The following FZD4 variants were observed in gnomAD, a reference collection of about 807,000 sequenced individuals.
FZD4 encodes the protein frizzled-4.
Under a neutral mutation model 37.3 loss-of-function variants are expected in FZD4, and 16 were observed. The observed-to-expected ratio is 0.43, with a 90% CI of 0.29 to 0.65. FZD4 has a LOEUF of 0.65. FZD4 is among the 30% of genes least tolerant of loss of function. The probability of loss-of-function intolerance (pLI) is 0.16; values close to 1 mark genes in which losing one functional copy is unlikely to be tolerated. For missense variants in FZD4, 599 were observed against 674.3 expected, an observed-to-expected ratio of 0.89 and a Z score of 1.24; for synonymous variants, 246 against 254.8, an observed-to-expected ratio of 0.97 and a Z score of 0.33.
chr11:86,952,425 T>C lies in FZD4; in HGVS notation c.331A>G (p.Asn111Asp), dbSNP rs1049798289. ...VYVPMCTEKINIPIGPCGGMC... is the reference protein window; with the variant it reads ...VYVPMCTEKIDIPIGPCGGMC... ...CCGCCGCATGGGCCAATGGGGATGT[T>C]GATCTTCTCTGTGCACATTGGCACA... Residue 111 changes from asparagine to aspartate, a missense_variant, in exon 2 of 2, where the codon AAC becomes GAC. By Grantham distance (23) the Asn-to-Asp change is conservative. Transcript: ENST00000531380. The C allele has an allele frequency of 2.5e-6, 4 of 1,613,930 alleles. No individual in the cohort carries two copies. The highest frequency in any genetic ancestry group is 1.3e-5 in the African/African-American group (1 of 74,928).
At chr11:86,954,329 G>A (rs2135044518) in intron 1 of FZD4, 1 of 985,292 alleles carries the variant, frequency 1.0e-6, no homozygotes, top group Non-Finnish European at 1.2e-6. Flanking sequence ...GCTGCGGGAC[G>A]TCGTGAGAAG....
rs566786953 is a variant in FZD4, at chr11:86,951,175, C to T, written c.1581G>A (p.Val527=). The T allele has an allele frequency of 1.2e-6, 2 of 1,614,084 alleles. No individual in the cohort carries two copies. The highest frequency in any genetic ancestry group is 4.5e-5 in the East Asian group (2 of 44,886). The change falls in exon 2 of 2, where the codon GTG becomes GTA. Residue 527 remains valine, a synonymous_variant. Transcript: ENST00000531380. ...CAGTCTCACTGCCTTTTCCAGGCTTCACCCAACCATTTCCTCTCTTCTCTC... is the reference window on the plus strand; with the variant it reads ...CAGTCTCACTGCCTTTTCCAGGCTTTACCCAACCATTTCCTCTCTTCTCTC... The part of the protein sequence containing the change: ...VKREKRGNGW[V]KPGKGSETVV
Position 86,955,140 on chromosome 11 carries a change from C to A in FZD4, c.-55G>T. The A allele has an allele frequency of 7.5e-7, 1 of 1,332,092 alleles. No individual in the cohort carries two copies. Among genetic ancestry groups the A allele is most frequent in the South Asian group, 1.7e-5 (1 of 59,300 alleles). The allele number at this position is 1,332,092 out of a possible 1,614,324, so 82.5% of individuals were successfully genotyped here. A position where few individuals can be genotyped will look rare whatever the true frequency, so the allele number is the denominator to read the frequency against. On this transcript the variant is annotated 5_prime_UTR_variant, in exon 1 of 2. Coordinates refer to ENST00000531380, the MANE Select transcript of FZD4 (RefSeq NM_012193.4). ...GCTGGGGCTGCTCTGGCAGACACCC[C>A]CAGTTTGCACGGGGGCGCCGGCTGC...
rs1949264341 is a variant in FZD4 at position 86,948,647 on chromosome 11, A to C, written c.*2495T>G. 1 of 152,216 alleles carries C rather than the reference A, an allele frequency of 6.6e-6. No homozygotes were observed. Among genetic ancestry groups the C allele is most frequent in the African/African-American group, 2.4e-5 (1 of 41,454 alleles). The allele number at this position is 152,216 out of a possible 1,614,324, so 9.4% of individuals were successfully genotyped here. On this transcript the variant is annotated 3_prime_UTR_variant, in exon 2 of 2. Coordinates refer to ENST00000531380, the MANE Select transcript of FZD4 (RefSeq NM_012193.4). ...GCATGTCAAAACCCAAAGCATTGTCAAAACACTAGCTCCAGAACTCAAAAC... is the reference window on the plus strand; with the variant it reads ...GCATGTCAAAACCCAAAGCATTGTCCAAACACTAGCTCCAGAACTCAAAAC...
Position 86,955,187 on chromosome 11 carries a change from G to A in FZD4, c.-102C>T. 1.1e-6 allele frequency: 1 copy of A among 929,760 alleles called. No homozygotes were observed. The highest frequency in any genetic ancestry group is 3.2e-5 in the East Asian group (1 of 31,726). 57.6% of individuals were successfully genotyped at this position (929,760 alleles called of 1,614,324 possible). A position where few individuals can be genotyped will look rare whatever the true frequency, so the allele number is the denominator to read the frequency against. On this transcript the variant is annotated 5_prime_UTR_variant, in exon 1 of 2. Coordinates refer to ENST00000531380, the MANE Select transcript of FZD4 (RefSeq NM_012193.4). ...CTGCCCGCGCTGCTCCCAGCTCCCG[G>A]GACGGGAGTGTGATGCGGCGACGAG...
rs1194785975 is a variant in FZD4 at position 86,948,515 on chromosome 11, G to GA, written c.*2626dup. 6.6e-6 allele frequency: 1 copy of GA among 152,186 alleles called. No individual in the cohort carries two copies. Among genetic ancestry groups the GA allele is most frequent in the Non-Finnish European group, 1.5e-5 (1 of 68,040 alleles). The allele number at this position is 152,186 out of a possible 1,614,324, so 9.4% of individuals were successfully genotyped here. On this transcript the variant is annotated 3_prime_UTR_variant, in exon 2 of 2. Coordinates refer to ENST00000531380, the MANE Select transcript of FZD4 (RefSeq NM_012193.4). Reference sequence around the variant, plus strand: ...AAACACTCTCCATTGTCTGGAATGTGAAAGGAGAGGCCTATAACCCTGTAG... The same window carrying GA: ...AAACACTCTCCATTGTCTGGAATGTGAAAAGGAGAGGCCTATAACCCTGTAG...
Position 86,945,961 on chromosome 11 carries a change from G to A in FZD4, c.*5181C>T, listed in dbSNP as rs915748571. On this transcript the variant is annotated 3_prime_UTR_variant, in exon 2 of 2. Coordinates refer to ENST00000531380, the MANE Select transcript of FZD4 (RefSeq NM_012193.4). ...GCATGAGGACCCAAGAAAGGCCACA[G>A]AGCATCCAGCCCGACTGCTGCACAG... 4 of 152,762 alleles carry A rather than the reference G, an allele frequency of 2.6e-5. No individual in the cohort carries two copies. The highest frequency in any genetic ancestry group is 5.9e-5 in the Non-Finnish European group (4 of 68,056). The allele number at this position is 152,762 out of a possible 1,614,324, so 9.5% of individuals were successfully genotyped here. A position where few individuals can be genotyped will look rare whatever the true frequency, so the allele number is the denominator to read the frequency against.
At chr11:86,953,550 TAGTA>T (rs752628531) in intron 1 of FZD4, among the ~76,000 whole-genome samples, 5 of 152,124 alleles carry the variant, frequency 3.3e-5, no homozygotes, top group African/African-American at 4.8e-5. Context: ...AACATGCACC[TAGTA>T]AGTAAGCTGT....
At position 86,954,822 on chromosome 11, in the gene FZD4, G is replaced by C; in HGVS notation, c.264C>G (p.Tyr88Ter). The C allele has an allele frequency of 6.2e-7, 1 of 1,611,424 alleles. No individual in the cohort carries two copies. Among genetic ancestry groups the C allele is most frequent in the Non-Finnish European group, 8.5e-7 (1 of 1,179,080 alleles). Residue 88 changes from tyrosine to a stop codon, truncating the protein, a stop_gained, in exon 1 of 2, where the codon TAC becomes TAG. Coordinates refer to ENST00000531380, the MANE Select transcript of FZD4 (RefSeq NM_012193.4). LOFTEE classifies it high-confidence loss of function. The part of the protein sequence containing the change: ...QLTTFTPLIQ[Y>*]GCSSQLQFFL... The stretch of plus-strand genomic sequence containing the variant: ...CCACCTGCAGCTGGCTGGAGCAGCC[G>C]TACTGGATGAGCGGTGTGAAAGTTG...
At position 86,951,742 on chromosome 11, in the gene FZD4, T is replaced by C. The variant is rs566294132; in HGVS notation, c.1014A>G (p.Glu338=). Residue 338 remains glutamate (E), a synonymous_variant, in exon 2 of 2, where the codon GAA becomes GAG. Coordinates refer to ENST00000531380, the MANE Select transcript of FZD4 (RefSeq NM_012193.4). The part of the protein sequence containing the change: ...FLAAGLKWGH[E]AIEMHSSYFH... ...AATAAGAGCTGTGCATTTCAATGGCTTCATGACCCCATTTGAGTCCTGCTG... is the reference window on the plus strand; with the variant it reads ...AATAAGAGCTGTGCATTTCAATGGCCTCATGACCCCATTTGAGTCCTGCTG... The C allele has an allele frequency of 6.2e-7, 1 of 1,614,196 alleles. No homozygotes were observed. The highest frequency in any genetic ancestry group is 1.3e-5 in the African/African-American group (1 of 75,046).
At chr11:86,954,470 T>TC in intron 1 of FZD4, 1 of 985,132 alleles carries the variant, frequency 1.0e-6, no homozygotes, top group Non-Finnish European at 1.2e-6. Flanking sequence ...GCTGGCTCCC[T>TC]CCCACTCGCC....
At position 86,945,858 on chromosome 11, in the gene FZD4, GAA is replaced by G. The variant is rs371128840; in HGVS notation, c.*5282_*5283del. The G allele has an allele frequency of 3.4e-3, 518 of 152,674 alleles. 2 individuals are homozygous for G. Among genetic ancestry groups the G allele is most frequent in the African/African-American group, 0.012 (497 of 41,528 alleles). The allele number at this position is 152,674 out of a possible 1,614,324, so 9.5% of individuals were successfully genotyped here. On this transcript the variant is annotated 3_prime_UTR_variant, in exon 2 of 2. Transcript: ENST00000531380. ...AATTCATTCAGGGCATGTGTAGCAG[GAA>G]GTTTGCCTGGTACCTCTTTGTCAAA...
Position 86,955,022 on chromosome 11 carries a change from C to A in FZD4, c.64G>T (p.Gly22Trp). The A allele has an allele frequency of 6.2e-7, 1 of 1,612,128 alleles. No homozygotes were observed. The highest frequency in any genetic ancestry group is 8.5e-7 in the Non-Finnish European group (1 of 1,179,394). The change falls in exon 1 of 2, where the codon GGG becomes TGG. Residue 22 changes from glycine to tryptophan, a missense_variant. By Grantham distance (184) the Gly-to-Trp change is radical (BLOSUM62 -2). Coordinates refer to ENST00000531380, the MANE Select transcript of FZD4 (RefSeq NM_012193.4). The part of the protein sequence containing the change: ...GAPGGVGLSL[G>W]LLLQLLLLLG... ...AGCAGCAGCAACTGCAGGAGCAACC[C>A]CAGACTGAGACCGACGCCCCCGGGC...
rs34325935 is a variant in FZD4, at chr11:86,947,201, T to TCAAACAAA, written c.*3933_*3940dup. The TCAAACAAA allele has an allele frequency of 2.6e-4, 43 of 165,520 alleles. No homozygotes were observed. The highest frequency in any genetic ancestry group is 6.0e-4 in the Admixed American group (10 of 16,798). The allele number at this position is 165,520 out of a possible 1,614,324, so 10.3% of individuals were successfully genotyped here. On this transcript the variant is annotated 3_prime_UTR_variant, in exon 2 of 2. Coordinates refer to ENST00000531380, the MANE Select transcript of FZD4 (RefSeq NM_012193.4). Reference sequence around the variant, plus strand: ...CTGGGTGACAGAGCAAGACCCTGTCTCAAACAAACAAACAAACAAACAAAC... The same window carrying TCAAACAAA: ...CTGGGTGACAGAGCAAGACCCTGTCTCAAACAAACAAACAAACAAACAAACAAACAAAC...
At position 86,955,394 on chromosome 11, in the gene FZD4, T is replaced by C. The variant is rs570920994; in HGVS notation, c.-309A>G. ...GCCAGCAGCCAGCGCTGCGCAGCTC[T>C]CACCGCCGGAGCCCTGCGCGGCGCT... On this transcript the variant is annotated 5_prime_UTR_variant, in exon 1 of 2. Coordinates refer to ENST00000531380, the MANE Select transcript of FZD4 (RefSeq NM_012193.4). 433 of 253,538 alleles carry C rather than the reference T, an allele frequency of 1.7e-3. 1 individual carries two copies. Among genetic ancestry groups the C allele is most frequent in the African/African-American group, 9.1e-3 (405 of 44,672 alleles). The allele number at this position is 253,538 out of a possible 1,614,324, so 15.7% of individuals were successfully genotyped here.
intron 1 of FZD4, among the ~76,000 whole-genome samples, chr11:86,953,115 T>C (rs149140011): frequency 2.3e-4 from 35 of 152,270 alleles, no homozygotes; most frequent in African/African-American, 7.5e-4. Context: ...AAAATGTAAA[T>C]GTTAAGTCGC....
At position 86,954,923 on chromosome 11, in the gene FZD4, T is replaced by A; in HGVS notation, c.163A>T (p.Asn55Tyr). The change falls in exon 1 of 2, where the codon AAC becomes TAC. Residue 55 changes from asparagine to tyrosine, a missense_variant. Around this residue, in one of 3 missense-constraint regions of FZD4, gnomAD observed 357 missense variants for 396.1 expected, o/e 0.90. Transcript: ENST00000531380. ...CDPIRISMCQNLGYNVTKMPN... is the reference protein window; with the variant it reads ...CDPIRISMCQYLGYNVTKMPN... ...ATCTTGGTCACGTTGTAGCCGAGGT[T>A]CTGGCACATGGAGATGCGGATGGGG... The A allele has an allele frequency of 6.2e-7, 1 of 1,613,524 alleles. No homozygotes were observed. The highest frequency in any genetic ancestry group is 8.5e-7 in the Non-Finnish European group (1 of 1,179,842).
At position 86,955,331 on chromosome 11, in the gene FZD4, G is replaced by A. The variant is rs1223326059; in HGVS notation, c.-246C>T. On this transcript the variant is annotated 5_prime_UTR_variant, in exon 1 of 2. Coordinates refer to ENST00000531380, the MANE Select transcript of FZD4 (RefSeq NM_012193.4). Reference sequence around the variant, plus strand: ...GCTGCAGGCGGCGAGCCCACAAGCCGGCGCCGGCCGCGTCCGTTCGGCGTC... The same window carrying A: ...GCTGCAGGCGGCGAGCCCACAAGCCAGCGCCGGCCGCGTCCGTTCGGCGTC... The A allele has an allele frequency of 7.7e-6, 3 of 387,874 alleles. No homozygotes were observed. The highest frequency in any genetic ancestry group is 1.4e-5 in the Non-Finnish European group (3 of 220,202). The allele number at this position is 387,874 out of a possible 1,614,324, so 24.0% of individuals were successfully genotyped here. A position where few individuals can be genotyped will look rare whatever the true frequency, so the allele number is the denominator to read the frequency against.
rs1949254645 is a variant in FZD4, at chr11:86,947,583, G to C, written c.*3559C>G. On this transcript the variant is annotated 3_prime_UTR_variant, in exon 2 of 2. Transcript: ENST00000531380. ...TGACCTGGGAGAGGAAAATCAGAAAGCATCTCTGAAATTAAAAAAATGTCA... is the reference window on the plus strand; with the variant it reads ...TGACCTGGGAGAGGAAAATCAGAAACCATCTCTGAAATTAAAAAAATGTCA... The C allele has an allele frequency of 6.6e-6, 1 of 152,218 alleles. No individual in the cohort carries two copies. The highest frequency in any genetic ancestry group is 6.5e-5 in the Admixed American group (1 of 15,276). The allele number at this position is 152,218 out of a possible 1,614,324, so 9.4% of individuals were successfully genotyped here.
Sources: gnomAD v4.1 joint callset for allele counts (sites outside exome capture counted in the v4.1 genomes callset) on GRCh38, gnomAD v4.1.1 for gene constraint, gnomAD v4.1.1 regional missense constraint, MANE v1.5 for transcripts, NCBI Gene and HGNC (gene_info 2026-07-23, HGNC 2026-07-21) for gene names.